Variants in DLG2 observed in about 807,000 individuals in gnomAD.
The protein encoded by DLG2 is discs large MAGUK scaffold protein 2, also known as disks large homolog 2.
Under a neutral mutation model 132.5 loss-of-function variants are expected in DLG2, and 45 were observed. The ratio of observed to expected loss-of-function variants is 0.34; its 90% confidence interval spans 0.27 to 0.44. The LOEUF (loss-of-function observed/expected upper bound fraction) is 0.44, where lower values mean the gene tolerates loss of function less well. Among genes scored for constraint, DLG2 ranks in the 20% least tolerant of loss-of-function variants. DLG2 has a pLI of 1.00. For missense variants in DLG2, 1,045 were observed against 1,196.9 expected, an observed-to-expected ratio of 0.87 and a Z score of 1.87; for synonymous variants, 424 against 419.6, an observed-to-expected ratio of 1.01 and a Z score of -0.13.
At chr11:84,758,273 C>G (rs935226435) in intron 6 of DLG2, among the ~76,000 whole-genome samples, 1 of 152,160 alleles carries the variant, frequency 6.6e-6, no homozygotes, top group African/African-American at 2.4e-5. Flanking sequence ...TTTGTAACAA[C>G]AAGCTATGTA....
At chr11:85,079,617 T>C (rs1043994183) in intron 6 of DLG2, among the ~76,000 whole-genome samples, 2 of 152,014 alleles carry the variant, frequency 1.3e-5, no homozygotes, top group African/African-American at 2.4e-5. Context: ...TCTGGGTCTA[T>C]CCTGTCCCTT....
intron 22 of DLG2, chr11:83,483,301 G>A: frequency 6.2e-7 from 1 of 1,611,366 alleles, no homozygotes; most frequent in Non-Finnish European, 8.5e-7. Flanking sequence ...GGGATGTCCT[G>A]CATGGAAGTC....
intron 7 of DLG2, among the ~76,000 whole-genome samples, chr11:84,461,879 A>G (rs1273443761): frequency 6.6e-6 from 1 of 150,932 alleles, no homozygotes; most frequent in African/African-American, 2.4e-5. Flanking sequence ...ACCTGGCACA[A>G]CACTTGCCAC....
At chr11:85,005,914 T>C (rs1039306256) in intron 6 of DLG2, among the ~76,000 whole-genome samples, 2 of 152,220 alleles carry the variant, frequency 1.3e-5, no homozygotes, top group African/African-American at 2.4e-5. Context: ...ACCTAGTTCA[T>C]TGAGAGTTTT....
At chr11:84,291,571 T>A (rs1290387161) in intron 7 of DLG2, among the ~76,000 whole-genome samples, 1 of 152,146 alleles carries the variant, frequency 6.6e-6, no homozygotes, top group Non-Finnish European at 1.5e-5. Context: ...GAGCATGAGT[T>A]TTTCTCCTCA....
chr11:85,491,135 G>A (rs188915895), intron 3 of DLG2, among the ~76,000 whole-genome samples: 8 of 152,010 alleles, frequency 5.3e-5, no homozygotes, highest in South Asian at 2.1e-4. Context: ...TGCAACAAAC[G>A]TGATACCTTA....
chr11:83,967,989 T>C (rs1049683022), intron 12 of DLG2, among the ~76,000 whole-genome samples: 3 of 152,166 alleles, frequency 2.0e-5, no homozygotes, highest in Admixed American at 6.6e-5. Context: ...CTTCATCATG[T>C]TCTCTTATTT....
At chr11:84,375,624 T>G (rs2098725980) in intron 7 of DLG2, among the ~76,000 whole-genome samples, 1 of 152,058 alleles carries the variant, frequency 6.6e-6, no homozygotes. Context: ...ACTTTATCCG[T>G]TTTAGTATTA....
At position 83,770,255 on chromosome 11, in the gene DLG2, G is replaced by GTTTTTTTTTTTTTTTTTTTTTT. The variant is rs143065797; in HGVS notation, c.1825+16434_1825+16435insAAAAAAAAAAAAAAAAAAAAAA. Reference sequence around the variant, plus strand: ...TACCTTTTGTCTCGTGGTGTCTGGTGTTTTTTTTTGTTTTTTTGCTTTTTG... The same window carrying GTTTTTTTTTTTTTTTTTTTTTT: ...TACCTTTTGTCTCGTGGTGTCTGGTGTTTTTTTTTTTTTTTTTTTTTTTTTTTTTTTGTTTTTTTGCTTTTTG... On this transcript the variant is annotated intron_variant, in intron 18 of 27. Coordinates refer to ENST00000376104, the MANE Select transcript of DLG2 (RefSeq NM_001142699.3). Among the ~76,000 whole-genome samples the GTTTTTTTTTTTTTTTTTTTTTT allele has an allele frequency of 7.5e-4, 82 of 109,868 alleles. 4 individuals carry two copies. Among genetic ancestry groups the GTTTTTTTTTTTTTTTTTTTTTT allele is most frequent in the South Asian group, 2.1e-3 (6 of 2,924 alleles). 72.1% of individuals were successfully genotyped at this position (109,868 alleles called of 152,430 possible).
At chr11:84,845,460 A>G (rs896458834) in intron 6 of DLG2, among the ~76,000 whole-genome samples, 3 of 152,110 alleles carry the variant, frequency 2.0e-5, no homozygotes, top group African/African-American at 7.2e-5. Flanking sequence ...TAATGAATAT[A>G]TGGAAATAAT....
chr11:83,888,028 G>A (rs2068467256), intron 15 of DLG2, among the ~76,000 whole-genome samples: 2 of 143,228 alleles, frequency 1.4e-5, no homozygotes, highest in Non-Finnish European at 1.5e-5. Flanking sequence ...CATTCCCTTT[G>A]AAAACTGGCA....
intron 3 of DLG2, among the ~76,000 whole-genome samples, chr11:85,406,681 A>T (rs899607758): frequency 3.3e-5 from 5 of 151,916 alleles, no homozygotes; most frequent in Non-Finnish European, 7.4e-5. Flanking sequence ...CATGACTTTT[A>T]TTCATTCATT....
At chr11:84,025,381 C>T (rs2095510820) in intron 11 of DLG2, among the ~76,000 whole-genome samples, 1 of 152,040 alleles carries the variant, frequency 6.6e-6, no homozygotes, top group South Asian at 2.1e-4. Flanking sequence ...AGACCTGCCC[C>T]CATGTTTCAA....
chr11:84,677,705 T>C (rs980394668), intron 6 of DLG2, among the ~76,000 whole-genome samples: 2 of 151,962 alleles, frequency 1.3e-5, no homozygotes, highest in African/African-American at 4.8e-5. Context: ...TCAGCATAGC[T>C]GACCTCTGCA....
At chr11:85,141,638 G>A (rs1332778112) in intron 5 of DLG2, among the ~76,000 whole-genome samples, 1 of 151,838 alleles carries the variant, frequency 6.6e-6, no homozygotes, top group Non-Finnish European at 1.5e-5. Flanking sequence ...CCAGACCAAT[G>A]TCCTAGAGAG....
intron 18 of DLG2, among the ~76,000 whole-genome samples, chr11:83,706,104 GCTA>G (rs2083912321): frequency 6.6e-6 from 1 of 151,864 alleles, no homozygotes; most frequent in Non-Finnish European, 1.5e-5. Flanking sequence ...TGTAGTCCCA[GCTA>G]CTCGGGAGGT....
At chr11:85,031,948 T>A (rs1359613502) in intron 6 of DLG2, among the ~76,000 whole-genome samples, 2 of 40,314 alleles carry the variant, frequency 5.0e-5, no homozygotes, top group Non-Finnish European at 8.2e-5. Context: ...GACAACTGGC[T>A]TTTTTTTTTT....
intron 6 of DLG2, among the ~76,000 whole-genome samples, chr11:85,025,235 A>G (rs1230972788): frequency 6.6e-6 from 1 of 152,234 alleles, no homozygotes; most frequent in Non-Finnish European, 1.5e-5. Context: ...AGGGAATGCT[A>G]GCAAATTTAT....
chr11:85,383,055 T>C (rs2086024308), intron 3 of DLG2, among the ~76,000 whole-genome samples: 2 of 152,136 alleles, frequency 1.3e-5, no homozygotes, highest in African/African-American at 4.8e-5. Context: ...TTATTCATAA[T>C]AGTCAAACAG....
Sources: allele counts gnomAD v4.1 joint callset (sites outside exome capture counted in the v4.1 genomes callset), GRCh38; gene constraint gnomAD v4.1.1; transcripts MANE v1.5; gene names NCBI Gene and HGNC (gene_info 2026-07-23, HGNC 2026-07-21).